MID1: variants seen among roughly 807,000 people sequenced by gnomAD.
The protein encoded by MID1 is E3 ubiquitin-protein ligase Midline-1.
A neutral mutation model predicts 40.4 loss-of-function variants in MID1; 7 were observed. The observed-to-expected ratio is 0.17, with a 90% CI of 0.10 to 0.33. MID1 has a LOEUF of 0.33. MID1 is among the 10% of genes least tolerant of loss of function. The pLI, the probability that MID1 is intolerant of heterozygous loss-of-function variation, is 1.00. For missense variants in MID1, 367 were observed against 558.5 expected, an observed-to-expected ratio of 0.66 and a Z score of 3.46; for synonymous variants, 229 against 221.2, an observed-to-expected ratio of 1.04 and a Z score of -0.31.
intron 1 of MID1, among the ~76,000 whole-genome samples, chrX:10,594,457 G>A (rs769914210): frequency 5.4e-5 from 6 of 111,769 alleles, no homozygotes; most frequent in Non-Finnish European, 1.1e-4. Flanking sequence ...GAATTCTGCA[G>A]AGACTTTCCA....
intron 1 of MID1, among the ~76,000 whole-genome samples, chrX:10,702,671 T>C (rs540956253): frequency 5.5e-4 from 62 of 112,692 alleles, no homozygotes; most frequent in African/African-American, 1.7e-3. Flanking sequence ...GGAAAGTTAG[T>C]TGATAGTTAT....
At chrX:10,601,936 G>A (rs1285463151) in intron 1 of MID1, among the ~76,000 whole-genome samples, 3 of 104,320 alleles carry the variant, frequency 2.9e-5, no homozygotes, top group African/African-American at 7.1e-5. Context: ...TCGCTCTGTC[G>A]CCCAGGCTGG....
intron 1 of MID1, among the ~76,000 whole-genome samples, chrX:10,693,573 G>T (rs1274472120): frequency 1.3e-4 from 14 of 111,216 alleles, no homozygotes; most frequent in Non-Finnish European, 2.6e-4. Context: ...TTCTAGCTTT[G>T]GAGAAAGAAA....
chrX:10,831,402 C>G, intron 1 of MID1, among the ~76,000 whole-genome samples: 1 of 111,317 alleles, frequency 9.0e-6, no homozygotes, highest in Middle Eastern at 4.6e-3. Flanking sequence ...CAGTATTTTC[C>G]AACCTCTTTT....
At chrX:10,687,100 A>G (rs2043103759) in intron 1 of MID1, among the ~76,000 whole-genome samples, 2 of 111,425 alleles carry the variant, frequency 1.8e-5, no homozygotes, top group Non-Finnish European at 3.8e-5. Flanking sequence ...CTAACAGAAC[A>G]CCCAAATTTC....
At chrX:10,750,917 T>C (rs189075949) in intron 1 of MID1, among the ~76,000 whole-genome samples, 143 of 111,459 alleles carry the variant, frequency 1.3e-3, no homozygotes, top group Non-Finnish European at 2.4e-3. Context: ...GAGGGTTGTG[T>C]CCTCAGTATC....
At chrX:10,820,889 G>A (rs1569178720) in intron 1 of MID1, among the ~76,000 whole-genome samples, 3 of 112,458 alleles carry the variant, frequency 2.7e-5, no homozygotes, top group African/African-American at 9.7e-5. Flanking sequence ...TGAAATGTGT[G>A]ATTGACTATA....
intron 1 of MID1, among the ~76,000 whole-genome samples, chrX:10,726,938 C>G (rs1324975841): frequency 8.9e-6 from 1 of 112,133 alleles, no homozygotes; most frequent in Non-Finnish European, 1.9e-5. Context: ...CAAAGTGGGA[C>G]TGGGAAGGGC....
chrX:10,458,733 A>C (rs1240406885), intron 8 of MID1, among the ~76,000 whole-genome samples: 1 of 111,694 alleles, frequency 9.0e-6, no homozygotes, highest in Non-Finnish European at 1.9e-5. Flanking sequence ...TTCCTCTAGG[A>C]TCCAACACAT....
At chrX:10,756,401 T>C (rs965481903) in intron 1 of MID1, among the ~76,000 whole-genome samples, 1 of 112,580 alleles carries the variant, frequency 8.9e-6, no homozygotes, top group African/African-American at 3.2e-5. Context: ...GCATTTCGAA[T>C]GGAGTATTTG....
intron 2 of MID1, among the ~76,000 whole-genome samples, chrX:10,551,036 T>C (rs1933887988): frequency 9.0e-6 from 1 of 111,657 alleles, no homozygotes; most frequent in Admixed American, 9.5e-5. Context: ...CCACAGATGC[T>C]CAGGTCCCTT....
intron 4 of MID1, among the ~76,000 whole-genome samples, chrX:10,493,060 C>A (rs1289795049): frequency 9.0e-6 from 1 of 111,685 alleles, no homozygotes; most frequent in Non-Finnish European, 1.9e-5. Context: ...TGAATAAGGG[C>A]TCTCAATGCT....
chrX:10,675,326 C>T (rs975555073), intron 1 of MID1, among the ~76,000 whole-genome samples: 7 of 111,954 alleles, frequency 6.3e-5, no homozygotes, highest in Non-Finnish European at 1.3e-4. Flanking sequence ...CAGAGAGCCC[C>T]CTAAATTAGG....
chrX:10,640,003 C>G (rs867866969), intron 1 of MID1, among the ~76,000 whole-genome samples: 3 of 111,812 alleles, frequency 2.7e-5, no homozygotes, highest in South Asian at 7.5e-4. Flanking sequence ...CTTACAAGAG[C>G]TCCTGAAGGA....
At chrX:10,657,262 T>G in intron 1 of MID1, among the ~76,000 whole-genome samples, 1 of 111,238 alleles carries the variant, frequency 9.0e-6, no homozygotes, top group South Asian at 3.8e-4. Context: ...CTTTATTGGT[T>G]TTCCTCTCTT....
intron 1 of MID1, among the ~76,000 whole-genome samples, chrX:10,729,480 G>T (rs189408608): frequency 8.1e-5 from 9 of 110,682 alleles, no homozygotes; most frequent in Non-Finnish European, 1.3e-4. Context: ...TTTCTGAAAA[G>T]GAAAAAAAAT....
At chrX:10,559,309 T>C (rs2013465446) in intron 2 of MID1, among the ~76,000 whole-genome samples, 1 of 112,262 alleles carries the variant, frequency 8.9e-6, no homozygotes, top group African/African-American at 3.2e-5. Flanking sequence ...TATTGCAGAC[T>C]AAACAAATGC....
At chrX:10,462,385 T>C (rs1478672920) in intron 7 of MID1, among the ~76,000 whole-genome samples, 3 of 111,853 alleles carry the variant, frequency 2.7e-5, no homozygotes, top group African/African-American at 9.8e-5. Context: ...CCACCTAACT[T>C]CTTGCATATG....
chrX:10,528,451 G>C (rs1932876837), intron 2 of MID1, among the ~76,000 whole-genome samples: 3 of 111,796 alleles, frequency 2.7e-5, no homozygotes, highest in Non-Finnish European at 5.6e-5. Context: ...ACAGGGGGTG[G>C]CAAACTTGCT....
Sources: gnomAD v4.1 joint callset for allele counts (sites outside exome capture counted in the v4.1 genomes callset) on GRCh38, gnomAD v4.1.1 for gene constraint, MANE v1.5 for transcripts, NCBI Gene and HGNC (gene_info 2026-07-23, HGNC 2026-07-21) for gene names.